PITRM1: variants seen among roughly 807,000 people sequenced by gnomAD.
PITRM1 encodes the protein presequence protease, mitochondrial.
Under a neutral mutation model 129.9 loss-of-function variants are expected in PITRM1, and 100 were observed. The ratio of observed to expected loss-of-function variants is 0.77; its 90% CI spans 0.65 to 0.91. PITRM1 has a LOEUF of 0.91. Among genes scored for constraint, PITRM1 ranks in the 40% least tolerant of loss-of-function variants. The probability of loss-of-function intolerance (pLI) is 0.00; values close to 1 mark genes in which losing one functional copy is unlikely to be tolerated. For missense variants in PITRM1, 1,471 were observed against 1,318.3 expected (o/e 1.12, Z -1.79); for synonymous variants, 591 against 508.8 (o/e 1.16, Z -2.17).
chr10:3,164,045 A>C (rs1398114977), intron 6 of PITRM1, 160 bp from the exon 7 acceptor site: 2 of 398,192 alleles, frequency 5.0e-6, no homozygotes, highest in Admixed American at 4.6e-5. Flanking sequence ...AAAAACACCC[A>C]CGCAGGCATT....
chr10:3,154,900 C>A (rs145735942), intron 14 of PITRM1, among the ~76,000 whole-genome samples: 63 of 152,302 alleles, frequency 4.1e-4, no homozygotes, highest in African/African-American at 1.4e-3. Flanking sequence ...ACCATCCTGG[C>A]CTAGGTCGTC....
chr10:3,142,122 A>T (rs1386936406), intron 23 of PITRM1, among the ~76,000 whole-genome samples: 2 of 152,132 alleles, frequency 1.3e-5, no homozygotes, highest in Admixed American at 6.5e-5. Context: ...TTCTGTCTAC[A>T]TTTTCCTGTT....
chr10:3,150,443 G>C (rs1045581206), intron 15 of PITRM1, among the ~76,000 whole-genome samples: 1 of 152,100 alleles, frequency 6.6e-6, no homozygotes, highest in African/African-American at 2.4e-5. Context: ...ATACAAACAT[G>C]ACAAGCGCTG....
intron 10 of PITRM1, 79 bp from the exon 11 acceptor site, chr10:3,158,232 TCAG>T: frequency 1.2e-6 from 1 of 822,336 alleles, no homozygotes; most frequent in Admixed American, 2.4e-5. Context: ...GATTTAAAGA[TCAG>T]AACGAAGCGC....
intron 14 of PITRM1, among the ~76,000 whole-genome samples, chr10:3,154,389 G>A (rs1351938608): frequency 6.6e-6 from 1 of 152,178 alleles, no homozygotes; most frequent in African/African-American, 2.4e-5. Context: ...CCGTTTCCTA[G>A]GTGGCCACAC....
Position 3,147,647 on chromosome 10 carries a change from C to T in PITRM1, c.2160G>A (p.Leu720=). The change falls in exon 19 of 27, where the codon CTG becomes CTA. Residue 720 remains leucine, a synonymous_variant. Coordinates refer to ENST00000224949, the MANE Select transcript of PITRM1 (RefSeq NM_014889.4). ...LANGIPDSGH[L]YASIRAGRTL... ...TCCGGCCTGCCCTGATGGATGCGTA[C>T]AGGTGCCCAGAGTCAGGAATTCCAT... is the stretch of plus-strand genomic sequence containing the variant. 1 of 1,613,944 alleles carries T rather than the reference C, an allele frequency of 6.2e-7. No individual in the cohort carries two copies. The highest frequency in any genetic ancestry group is 8.5e-7 in the Non-Finnish European group (1 of 1,179,850).
In PITRM1 at chr10:3,167,174, G is replaced by A. The variant is rs915732973; in HGVS notation, c.160-132C>T. The A allele has an allele frequency of 8.2e-6, 5 of 611,088 alleles. No individual in the cohort carries two copies. In the African/African-American group the frequency reaches 9.2e-5, roughly 11 times the overall value. The allele number at this position is 611,088 out of a possible 1,614,324, so 37.9% of individuals were successfully genotyped here. A position where few individuals can be genotyped will look rare whatever the true frequency, so the allele number is the denominator to read the frequency against. ...GATGCCGGGAAGGCAGTATTTCAGAGCTGGAGAGAAGAGAACCATCTTGTC... is the reference window on the plus strand; with the variant it reads ...GATGCCGGGAAGGCAGTATTTCAGAACTGGAGAGAAGAGAACCATCTTGTC... On this transcript the variant is annotated intron_variant, in intron 2 of 26. Coordinates refer to ENST00000224949, the MANE Select transcript of PITRM1 (RefSeq NM_014889.4).
In PITRM1 at chr10:3,140,721, T is replaced by G. The variant is rs1400978508; in HGVS notation, c.2737A>C (p.Ser913Arg). Residue 913 changes from serine to arginine, a missense_variant, in exon 24 of 27, where the codon AGC (serine) becomes CGC (arginine). Physicochemically the swap from Ser to Arg is moderately radical, Grantham distance 110. Transcript: ENST00000224949. ...TAAAGGGTGAAAATCCCATTGTGGC[T>G]GAGTTTTGCGCCTCCACCATAAGCA... is the stretch of plus-strand genomic sequence containing the variant. ...GGAYGGGAKLSHNGIFTLYSY... is the reference protein window; with the variant it reads ...GGAYGGGAKLRHNGIFTLYSY... The G allele has an allele frequency of 6.3e-7, 1 of 1,598,502 alleles. No homozygotes were observed. Among genetic ancestry groups the G allele is most frequent in the East Asian group, 2.2e-5 (1 of 44,562 alleles).
chr10:3,158,669 G>A (rs1842171951), intron 10 of PITRM1, among the ~76,000 whole-genome samples: 1 of 152,194 alleles, frequency 6.6e-6, no homozygotes, highest in Non-Finnish European at 1.5e-5. Flanking sequence ...GTCCCCTTGG[G>A]GGGACACAAA....
In PITRM1 at chr10:3,163,787, C is replaced by T. The variant is rs765431576; in HGVS notation, c.729G>A (p.Pro243=). 9 of 1,613,220 alleles carry T rather than the reference C, an allele frequency of 5.6e-6. No homozygotes were observed. Among genetic ancestry groups the T allele is most frequent in the Admixed American group, 3.3e-5 (2 of 59,888 alleles). Residue 243 remains proline, a synonymous_variant, in exon 7 of 27, where the codon CCG becomes CCA. Transcript: ENST00000224949. ...GCTTAAGCTGCTCCCATGTAAGCTC[C>T]GGGATGCACAGTGGGTCACCCCCGG... The part of the protein sequence containing the change: ...VVSGGDPLCI[P]ELTWEQLKQF...
At chr10:3,164,923 A>T (rs541254395) in intron 6 of PITRM1, among the ~76,000 whole-genome samples, 1 of 152,304 alleles carries the variant, frequency 6.6e-6, no homozygotes, top group African/African-American at 2.4e-5. Flanking sequence ...CAGCCTCTAG[A>T]AAGTACACCG....
At position 3,138,915 on chromosome 10, in the gene PITRM1, G is replaced by T; in HGVS notation, c.2906C>A (p.Pro969His). The part of the protein sequence containing the change: ...VFSTVDAPVA[P>H]SDKGMDHFLY... Reference sequence around the variant, plus strand: ...TATACTCAAAATACCTTTGTCTGAAGGAGCGACAGGAGCATCTACGGTTGA... The same window carrying T: ...TATACTCAAAATACCTTTGTCTGAATGAGCGACAGGAGCATCTACGGTTGA... Residue 969 changes from proline (P) to histidine (H), a missense_variant, in exon 25 of 27, where the codon CCT becomes CAT. Transcript: ENST00000224949. 1 of 1,613,912 alleles carries T rather than the reference G, an allele frequency of 6.2e-7. No homozygotes were observed. The highest frequency in any genetic ancestry group is 8.5e-7 in the Non-Finnish European group (1 of 1,179,808).
intron 2 of PITRM1, among the ~76,000 whole-genome samples, chr10:3,169,785 TTCATGC>T (rs1179541821): frequency 2.6e-5 from 4 of 152,212 alleles, no homozygotes; most frequent in Admixed American, 1.3e-4. Context: ...GCAGTGAGTC[TTCATGC>T]TCATGCTCAG....
chr10:3,140,542 G>C (rs1048293229), intron 24 of PITRM1, 145 bp downstream of exon 24: 1 of 700,970 alleles, frequency 1.4e-6, no homozygotes, highest in Non-Finnish European at 2.4e-6. Flanking sequence ...GCTGGGTGTG[G>C]CTAAGTGCCC....
intron 1 of PITRM1, among the ~76,000 whole-genome samples, chr10:3,171,536 C>T (rs1843358352): frequency 1.3e-5 from 2 of 152,114 alleles, no homozygotes; most frequent in Admixed American, 6.5e-5. Context: ...CTCCACCTCC[C>T]GGGTTCAAGC....
chr10:3,160,476 T>C, intron 7 of PITRM1, 146 bp from the exon 8 acceptor site: 1 of 635,070 alleles, frequency 1.6e-6, no homozygotes, highest in Non-Finnish European at 2.8e-6. Context: ...TCAACCAAGG[T>C]CCAAAAATAT....
chr10:3,165,710 C>T (rs115956493), intron 4 of PITRM1, among the ~76,000 whole-genome samples, 183 bp from the exon 5 acceptor site: 1,966 of 152,314 alleles, frequency 0.013, 53 homozygotes, highest in African/African-American at 0.045. Context: ...CCCCAAGTGC[C>T]GGCTTTCCCA....
At position 3,159,882 on chromosome 10, in the gene PITRM1, G is replaced by C; in HGVS notation, c.973C>G (p.Gln325Glu). 1 of 1,605,664 alleles carries C rather than the reference G, an allele frequency of 6.2e-7. No homozygotes were observed. Among genetic ancestry groups the C allele is most frequent in the Non-Finnish European group, 8.5e-7 (1 of 1,175,162 alleles). The change falls in exon 9 of 27, where the codon CAA becomes GAA. Residue 325 changes from glutamine to glutamate, a missense_variant. Transcript: ENST00000224949. ...AGGAAGCTAACGCTGATGGTTGTTT[G>C]TTTAGAGGGATCTGTAGCAAATGAA... ...PDSFATDPSK[Q>E]TTISVSFLLP...
At chr10:3,168,742 C>T (rs1843091581) in intron 2 of PITRM1, among the ~76,000 whole-genome samples, 1 of 152,222 alleles carries the variant, frequency 6.6e-6, no homozygotes, top group Admixed American at 6.5e-5. Context: ...GAGGCCTCCC[C>T]AGCCATGCAG....
Sources: gnomAD v4.1 joint callset for allele counts (sites outside exome capture counted in the v4.1 genomes callset) on GRCh38, gnomAD v4.1.1 for gene constraint, MANE v1.5 for transcripts, NCBI Gene and HGNC (gene_info 2026-07-23, HGNC 2026-07-21) for gene names.